ARHGEF7: variants seen among roughly 807,000 people sequenced by gnomAD.
ARHGEF7 encodes the protein Rho guanine nucleotide exchange factor 7.
A neutral mutation model predicts 109.8 loss-of-function variants in ARHGEF7; 33 were observed. The observed-to-expected ratio is 0.30, with a 90% CI of 0.23 to 0.40. The LOEUF (loss-of-function observed/expected upper bound fraction) is 0.40. Among genes scored for constraint, ARHGEF7 ranks in the 10% least tolerant of loss-of-function variants. ARHGEF7 has a pLI of 1.00. For synonymous variants in ARHGEF7, 458 were observed against 424.6 expected (o/e 1.08, Z -0.97); for missense variants, 938 against 1,098.5 (o/e 0.85, Z 2.07).
chr13:111,122,208 A>G (rs142208183), intron 1 of ARHGEF7, among the ~76,000 whole-genome samples: 1,827 of 152,294 alleles, frequency 0.012, 48 homozygotes, highest in African/African-American at 0.041. Context: ...TGCTGAGTGC[A>G]CACAGCTGCT....
chr13:111,229,902 C>T (rs909337876), intron 5 of ARHGEF7, among the ~76,000 whole-genome samples: 7 of 152,070 alleles, frequency 4.6e-5, no homozygotes, highest in African/African-American at 1.7e-4. Flanking sequence ...CACTTCCTTG[C>T]TATTTCTCTA....
intron 2 of ARHGEF7, among the ~76,000 whole-genome samples, chr13:111,171,050 T>C (rs1470513795): frequency 6.6e-6 from 1 of 152,270 alleles, no homozygotes; most frequent in Non-Finnish European, 1.5e-5. Context: ...GGATTTTCTT[T>C]TTTTAAAATT....
intron 17 of ARHGEF7, among the ~76,000 whole-genome samples, chr13:111,287,053 A>T (rs1442992674): frequency 6.6e-6 from 1 of 152,146 alleles, no homozygotes; most frequent in Non-Finnish European, 1.5e-5. Context: ...CCACACGCTC[A>T]CTGTGCCATG....
chr13:111,229,892 C>T (rs548276833), intron 5 of ARHGEF7, among the ~76,000 whole-genome samples: 3 of 152,210 alleles, frequency 2.0e-5, no homozygotes, highest in Non-Finnish European at 2.9e-5. Context: ...GCAGCCTGCA[C>T]ACTTCCTTGC....
chr13:111,231,208 G>A (rs1157375231), intron 5 of ARHGEF7, among the ~76,000 whole-genome samples: 3 of 152,204 alleles, frequency 2.0e-5, no homozygotes, highest in Non-Finnish European at 2.9e-5. Flanking sequence ...ATGAAAAAGT[G>A]TTGTTTTTCC....
intron 2 of ARHGEF7, among the ~76,000 whole-genome samples, chr13:111,205,007 G>T (rs1369522211): frequency 6.6e-6 from 1 of 151,114 alleles, no homozygotes; most frequent in Non-Finnish European, 1.5e-5. Context: ...CCCCCACCCC[G>T]CCCCGCCCCC....
intron 19 of ARHGEF7, chr13:111,293,734 G>T (rs976345500): frequency 1.0e-6 from 1 of 985,230 alleles, no homozygotes; most frequent in Admixed American, 6.2e-5. Context: ...CCTTCTTCAG[G>T]GTGGCTGTAA....
Position 111,273,672 on chromosome 13 carries a change from T to A in ARHGEF7, c.1074-142T>A. 1 of 1,164,542 alleles carries A rather than the reference T, an allele frequency of 8.6e-7. No homozygotes were observed. The highest frequency in any genetic ancestry group is 1.2e-6 in the Non-Finnish European group (1 of 818,586). The allele number at this position is 1,164,542 out of a possible 1,614,324, so 72.1% of individuals were successfully genotyped here. On this transcript the variant is annotated intron_variant, in intron 9 of 21. Transcript: ENST00000646102. This position sits in a 1 kb window ranked among gnomAD's most constrained non-coding sequence, Gnocchi z 4.5. Reference sequence around the variant, plus strand: ...GCATTTCCAGATAAGCAGCGCAGATTTGGGATAAAAGCTGGAGCCTTCCAG... The same window carrying A: ...GCATTTCCAGATAAGCAGCGCAGATATGGGATAAAAGCTGGAGCCTTCCAG...
chr13:111,235,929 C>A (rs2086746555), intron 6 of ARHGEF7, among the ~76,000 whole-genome samples: 1 of 152,176 alleles, frequency 6.6e-6, no homozygotes, highest in South Asian at 2.1e-4. Flanking sequence ...ACATGAATGA[C>A]TTGTCTTAAC....
At chr13:111,186,606 C>G (rs2079281657) in intron 2 of ARHGEF7, among the ~76,000 whole-genome samples, 1 of 152,216 alleles carries the variant, frequency 6.6e-6, no homozygotes, top group South Asian at 2.1e-4. Context: ...ATTTAAGATT[C>G]ATTTTTTACT....
rs2092317240 is a variant in ARHGEF7 at position 111,273,694 on chromosome 13, C to T, written c.1074-120C>T. 9.3e-6 allele frequency: 13 copies of T among 1,393,138 alleles called. No individual in the cohort carries two copies. Among genetic ancestry groups the T allele is most frequent in the South Asian group, 5.2e-5 (4 of 76,950 alleles). 86.3% of individuals were successfully genotyped at this position (1,393,138 alleles called of 1,614,324 possible). On this transcript the variant is annotated intron_variant, in intron 9 of 21. Coordinates refer to ENST00000646102, the MANE Select transcript of ARHGEF7 (RefSeq NM_001354046.2). This position sits in a 1 kb window ranked among gnomAD's most constrained non-coding sequence, Gnocchi z 4.5. ...GATTTGGGATAAAAGCTGGAGCCTT[C>T]CAGATGTTAAAAGCAACACTTATGT...
At chr13:111,292,062 C>G (rs1183526762) in intron 18 of ARHGEF7, 56 bp from the exon 19 acceptor site, 2 of 1,476,426 alleles carry the variant, frequency 1.4e-6, no homozygotes, top group Admixed American at 1.7e-5. Context: ...CTCTTCCTGT[C>G]GTTCTCCTCC....
At chr13:111,160,257 G>GGT (rs768888287) in intron 2 of ARHGEF7, among the ~76,000 whole-genome samples, 29 of 151,846 alleles carry the variant, frequency 1.9e-4, no homozygotes, top group Non-Finnish European at 3.7e-4. Context: ...GCTATAGCTT[G>GGT]GTAATACACT....
intron 2 of ARHGEF7, among the ~76,000 whole-genome samples, chr13:111,155,504 G>C (rs574220358): frequency 6.6e-6 from 1 of 152,222 alleles, no homozygotes; most frequent in East Asian, 1.9e-4. Context: ...AGAAACTTAG[G>C]GCCTTTTCAA....
chr13:111,280,416 G>T (rs2092716170), intron 14 of ARHGEF7, 66 bp downstream of exon 14: 2 of 1,586,392 alleles, frequency 1.3e-6, no homozygotes, highest in Non-Finnish European at 8.6e-7. Flanking sequence ...CCCGCGTGCA[G>T]ATTCTTGCTT....
intron 12 of ARHGEF7, among the ~76,000 whole-genome samples, chr13:111,276,255 T>C (rs2092473575): frequency 1.3e-5 from 2 of 152,190 alleles, no homozygotes. Flanking sequence ...AACAGGCACC[T>C]CTTTCTGAAT....
intron 1 of ARHGEF7, among the ~76,000 whole-genome samples, chr13:111,136,336 A>G (rs2075086761): frequency 6.6e-6 from 1 of 151,774 alleles, no homozygotes; most frequent in Non-Finnish European, 1.5e-5. Context: ...TTGACCACAT[A>G]GTTGGAAGTA....
intron 9 of ARHGEF7, among the ~76,000 whole-genome samples, chr13:111,270,871 T>C: frequency 6.6e-6 from 1 of 152,224 alleles, no homozygotes; most frequent in East Asian, 1.9e-4. Context: ...GAAGCCCTCA[T>C]GTCACTCTAT....
Position 111,169,224 on chromosome 13 carries a change from G to A in ARHGEF7, c.252+15233G>A, listed in dbSNP as rs1303475007. Among the ~76,000 whole-genome samples, 4 of 152,196 alleles carry A rather than the reference G, an allele frequency of 2.6e-5. No homozygotes were observed. The East Asian group carries it at 5.8e-4, about 22-fold the overall frequency. ...GTGTTAGGAGAGAATTGCAGAGGTC[G>A]TTAATGCCACTGTATTAGTCTGTTC... On this transcript the variant is annotated intron_variant, in intron 2 of 21. Transcript: ENST00000646102.
Sources: gnomAD v4.1 joint callset for allele counts (sites outside exome capture counted in the v4.1 genomes callset) on GRCh38, gnomAD v4.1.1 for gene constraint, Gnocchi (gnomAD v3.1) non-coding constraint, MANE v1.5 for transcripts, NCBI Gene and HGNC (gene_info 2026-07-23, HGNC 2026-07-21) for gene names.